STOX1: variants seen among roughly 807,000 people sequenced by gnomAD.
STOX1 encodes storkhead box 1, also known as storkhead-box protein 1.
A neutral mutation model predicts 74.8 loss-of-function variants in STOX1; 57 were observed. That is an observed-to-expected ratio of 0.76 (90% CI 0.62 to 0.95). The LOEUF is 0.95. STOX1 is among the 40% of genes least tolerant of loss of function. The pLI, the probability that STOX1 is intolerant of heterozygous loss-of-function variation, is 0.00. For missense variants in STOX1, 1,010 were observed against 1,117.0 expected (o/e 0.90, Z 1.37); for synonymous variants, 375 against 401.3 (o/e 0.93, Z 0.78).
At chr10:68,844,725 A>T (rs966517099) in intron 1 of STOX1, among the ~76,000 whole-genome samples, 1 of 152,026 alleles carries the variant, frequency 6.6e-6, no homozygotes, top group African/African-American at 2.4e-5. Flanking sequence ...TGTTTTGCAA[A>T]TGTTTTTTCC....
intron 1 of STOX1, among the ~76,000 whole-genome samples, chr10:68,838,301 G>A (rs545649813): frequency 1.3e-5 from 2 of 151,998 alleles, no homozygotes; most frequent in Non-Finnish European, 2.9e-5. Flanking sequence ...TCCTGGGCTC[G>A]AGTGATTCTT....
intron 3 of STOX1, among the ~76,000 whole-genome samples, chr10:68,889,302 T>C (rs1841042882): frequency 6.6e-6 from 1 of 152,156 alleles, no homozygotes; most frequent in Non-Finnish European, 1.5e-5. Flanking sequence ...TTTTGATCAC[T>C]TCTCGGCCTT....
rs1434164854 is a variant in STOX1 at position 68,873,994 on chromosome 10, T to C, written c.311-7964T>C. 3.5e-5 allele frequency among the ~76,000 whole-genome samples: 5 copies of C among 140,868 alleles called. No homozygotes were observed. In the East Asian group the frequency reaches 1.1e-3, roughly 30 times the overall value. 92.4% of individuals were successfully genotyped at this position (140,868 alleles called of 152,430 possible). On this transcript the variant is annotated intron_variant, in intron 1 of 3. Transcript: ENST00000298596. ...TTTTTAATCCTGAGTTTAAGAAAAA[T>C]TGCAGATAGCTAGGTAGCCTTTTTT...
Position 68,891,946 on chromosome 10 carries a change from G to A in STOX1, c.2823-643G>A, listed in dbSNP as rs868769779. On this transcript the variant is annotated intron_variant, in intron 3 of 3. Coordinates refer to ENST00000298596, the MANE Select transcript of STOX1 (RefSeq NM_152709.5). Reference sequence around the variant, plus strand: ...AGAGATTCTCATGCCTCAGTCTCATGAGTAGCTGAGATTACAGGTGTGCAC... The same window carrying A: ...AGAGATTCTCATGCCTCAGTCTCATAAGTAGCTGAGATTACAGGTGTGCAC... Among the ~76,000 whole-genome samples, 5 of 152,060 alleles carry A rather than the reference G, an allele frequency of 3.3e-5. No individual in the cohort carries two copies. The Middle Eastern group carries it at 0.01, about 310-fold the overall frequency.
chr10:68,879,697 C>G (rs1391528), intron 1 of STOX1, among the ~76,000 whole-genome samples: 87,339 of 151,978 alleles, frequency 0.57, 26,249 homozygotes, highest in East Asian at 0.89. Flanking sequence ...ATTTTGCATA[C>G]AAATGGTCTA....
At chr10:68,880,382 A>G (rs1564585905) in intron 1 of STOX1, among the ~76,000 whole-genome samples, 1 of 151,946 alleles carries the variant, frequency 6.6e-6, no homozygotes, top group East Asian at 1.9e-4. Context: ...GGATCTCGCT[A>G]TGTTGCTCAG....
intron 1 of STOX1, among the ~76,000 whole-genome samples, chr10:68,840,808 G>C (rs373013453): frequency 6.6e-6 from 1 of 152,056 alleles, no homozygotes; most frequent in Non-Finnish European, 1.5e-5. Flanking sequence ...GTAATCTGCC[G>C]CCTCGGCCTC....
chr10:68,830,025 C>T (rs1333310459), intron 1 of STOX1, among the ~76,000 whole-genome samples: 1 of 152,068 alleles, frequency 6.6e-6, no homozygotes, highest in Non-Finnish European at 1.5e-5. Flanking sequence ...GGTGGGGGGT[C>T]TAGACCTGGG....
chr10:68,849,829 A>AT (rs1360348721), intron 1 of STOX1, among the ~76,000 whole-genome samples: 3 of 152,022 alleles, frequency 2.0e-5, no homozygotes, highest in Non-Finnish European at 2.9e-5. Flanking sequence ...GTGTTTATTG[A>AT]TTTTTTATCA....
intron 3 of STOX1, among the ~76,000 whole-genome samples, 155 bp downstream of exon 3, chr10:68,886,773 A>G (rs112264043): frequency 5.9e-5 from 9 of 152,200 alleles, no homozygotes; most frequent in African/African-American, 2.2e-4. Context: ...CTAAAAATAC[A>G]ACCAGGTGTG....
intron 1 of STOX1, among the ~76,000 whole-genome samples, chr10:68,850,163 C>T (rs35399196): frequency 0.026 from 3,929 of 152,244 alleles, 72 homozygotes; most frequent in Non-Finnish European, 0.041. Context: ...TACAGGCCAC[C>T]ACGCTTGGCT....
intron 1 of STOX1, 105 bp from the exon 2 acceptor site, chr10:68,881,853 C>G: frequency 7.7e-7 from 1 of 1,292,044 alleles, no homozygotes; most frequent in African/African-American, 1.5e-5. Context: ...GAAAGAATTG[C>G]AATTCTACCT....
At chr10:68,833,305 T>C (rs1202570776) in intron 1 of STOX1, among the ~76,000 whole-genome samples, 2 of 151,996 alleles carry the variant, frequency 1.3e-5, no homozygotes, top group Non-Finnish European at 2.9e-5. Flanking sequence ...GTCAGGCTGG[T>C]CTGGAACTCC....
chr10:68,859,837 T>C (rs1840215794), intron 1 of STOX1, among the ~76,000 whole-genome samples: 1 of 152,038 alleles, frequency 6.6e-6, no homozygotes. Context: ...CTGCTTCATC[T>C]TCCTAGTAGA....
intron 1 of STOX1, among the ~76,000 whole-genome samples, chr10:68,852,432 G>C (rs542308880): frequency 0.016 from 2,403 of 150,776 alleles, 41 homozygotes; most frequent in Non-Finnish European, 0.024. Flanking sequence ...CTAATTTTTT[G>C]TATTTTTAGT....
chr10:68,861,613 A>G (rs1840270571), intron 1 of STOX1, among the ~76,000 whole-genome samples: 1 of 152,266 alleles, frequency 6.6e-6, no homozygotes, highest in African/African-American at 2.4e-5. Flanking sequence ...ATGGTGAGCT[A>G]CTTTACCCAG....
At chr10:68,833,623 G>A (rs879069194) in intron 1 of STOX1, among the ~76,000 whole-genome samples, 2 of 152,098 alleles carry the variant, frequency 1.3e-5, no homozygotes, top group Non-Finnish European at 2.9e-5. Context: ...GTTTTATAAT[G>A]CCTTTCCATA....
chr10:68,884,756 A>G lies in STOX1; in HGVS notation c.960A>G (p.Leu320=), dbSNP rs1840896666. Residue 320 remains leucine (L), a synonymous_variant, in exon 3 of 4, where the codon TTA becomes TTG. Coordinates refer to ENST00000298596, the MANE Select transcript of STOX1 (RefSeq NM_152709.5). Reference sequence around the variant, plus strand: ...GTTTTAGTCTCTTATGGCGCAGCTTATCTAGAAAGGAGAAGCCCAAAACAG... The same window carrying G: ...GTTTTAGTCTCTTATGGCGCAGCTTGTCTAGAAAGGAGAAGCCCAAAACAG... ...KFGFSLLWRS[L]SRKEKPKTEH... The G allele has an allele frequency of 1.9e-6, 3 of 1,614,114 alleles. No individual in the cohort carries two copies. Among genetic ancestry groups the G allele is most frequent in the Non-Finnish European group, 2.5e-6 (3 of 1,180,042 alleles).
intron 3 of STOX1, among the ~76,000 whole-genome samples, chr10:68,892,079 C>T (rs1014862062): frequency 6.6e-6 from 1 of 152,044 alleles, no homozygotes; most frequent in African/African-American, 2.4e-5. Context: ...TCTTGGCCTC[C>T]TGAAGTGCTG....
Sources: gnomAD v4.1 joint callset for allele counts (sites outside exome capture counted in the v4.1 genomes callset) on GRCh38, gnomAD v4.1.1 for gene constraint, MANE v1.5 for transcripts, NCBI Gene and HGNC (gene_info 2026-07-23, HGNC 2026-07-21) for gene names.